ADAD2: variants seen among roughly 807,000 people sequenced by gnomAD.
The protein encoded by ADAD2 is adenosine deaminase domain containing 2.
In ADAD2, 60 loss-of-function variants were observed where a neutral mutation model predicts 54.5. That is an observed-to-expected ratio of 1.10 (90% CI 0.89 to 1.36). The LOEUF (loss-of-function observed/expected upper bound fraction) is 1.36, where lower values mean the gene tolerates loss of function less well. Among genes scored for constraint, ADAD2 ranks in the 40% most tolerant of loss-of-function variants. ADAD2 has a pLI of 0.00. For synonymous variants in ADAD2, 543 were observed against 366.2 expected (o/e 1.48, Z -5.51); for missense variants, 1,103 against 801.3 (o/e 1.38, Z -4.54).
At chr16:84,193,860 C>T (rs930190556) in intron 1 of ADAD2, 3 of 863,254 alleles carry the variant, frequency 3.5e-6, no homozygotes, top group Admixed American at 2.9e-5. Context: ...AAAGGGAAAC[C>T]CCCAGAGGGG....
At chr16:84,196,792 C>T in intron 9 of ADAD2, 25 bp downstream of exon 9, 2 of 1,602,206 alleles carry the variant, frequency 1.2e-6, no homozygotes, top group Non-Finnish European at 1.7e-6. Context: ...CTCCCCCCGT[C>T]CCGGTCCCTC....
At position 84,195,377 on chromosome 16, in the gene ADAD2, G is replaced by A. The variant is rs370013382; in HGVS notation, c.815G>A (p.Trp272Ter). 8 of 1,609,270 alleles carry A rather than the reference G, an allele frequency of 5.0e-6. No homozygotes were observed. Among genetic ancestry groups the A allele is most frequent in the Non-Finnish European group, 6.8e-6 (8 of 1,179,494 alleles). Residue 272 changes from tryptophan to a stop codon, truncating the protein, a stop_gained, in exon 5 of 10, where the codon TGG (tryptophan) becomes TAG (stop). Coordinates refer to ENST00000315906, the MANE Select transcript of ADAD2 (RefSeq NM_001145400.2). LOFTEE classifies it high-confidence loss of function. ...ACCGGCAGCAGCTGCTGTGCTGGCT[G>A]GCTGGAGTTCTCGGGCCAGCAGCTC... ...LGTGSSCCAGWLEFSGQQLHD... is the reference protein window; with the variant it reads ...LGTGSSCCAG
rs758334249 is a variant in ADAD2 at position 84,196,766 on chromosome 16, A to G, written c.1646A>G (p.Lys549Arg). Residue 549 changes from lysine to arginine, a missense_variant and splice_region_variant, in exon 9 of 10, where the codon AAG becomes AGG. By Grantham distance (26) the Lys-to-Arg change is conservative. Transcript: ENST00000315906. ...GCCTTGAAGACCTACGAGGCTGCCAAGGTTGGTTCCCCACCCTCCCCCCGT... is the reference window on the plus strand; with the variant it reads ...GCCTTGAAGACCTACGAGGCTGCCAGGGTTGGTTCCCCACCCTCCCCCCGT... The part of the protein sequence containing the change: ...LLALKTYEAA[K>R]AGPYQEARRQ... The G allele has an allele frequency of 3.1e-6, 5 of 1,609,132 alleles. No individual in the cohort carries two copies. Among genetic ancestry groups the G allele is most frequent in the Non-Finnish European group, 4.2e-6 (5 of 1,177,112 alleles).
At chr16:84,194,411 G>C (rs1261262289) in intron 1 of ADAD2, 31 bp from the exon 2 acceptor site, 1 of 1,595,254 alleles carries the variant, frequency 6.3e-7, no homozygotes, top group African/African-American at 1.3e-5. Context: ...GAAGGCCAGG[G>C]GGCTGCTTCC....
At position 84,191,377 on chromosome 16, in the gene ADAD2, C is replaced by T. The variant is rs927514113; in HGVS notation, c.147C>T (p.Pro49=). Residue 49 remains proline (P), a synonymous_variant, in exon 1 of 10, where the codon CCC becomes CCT. Coordinates refer to ENST00000315906, the MANE Select transcript of ADAD2 (RefSeq NM_001145400.2). ...AQSAWGPAPA[P]ATYRAEGGWP... is the part of the protein sequence containing the mutation. ...GTGCCTGGGGGCCCGCGCCCGCGCCCGCGACGTATCGCGCGGAGGGCGGGT... is the reference window on the plus strand; with the variant it reads ...GTGCCTGGGGGCCCGCGCCCGCGCCTGCGACGTATCGCGCGGAGGGCGGGT... 2.6e-6 allele frequency: 4 copies of T among 1,514,422 alleles called. No homozygotes were observed. Among genetic ancestry groups the T allele is most frequent in the South Asian group, 1.2e-5 (1 of 80,826 alleles). 93.8% of individuals were successfully genotyped at this position (1,514,422 alleles called of 1,614,324 possible). A position where few individuals can be genotyped will look rare whatever the true frequency, so the allele number is the denominator to read the frequency against.
chr16:84,191,201 G>A lies in ADAD2; in HGVS notation c.-30G>A. 2 of 1,600,628 alleles carry A rather than the reference G, an allele frequency of 1.2e-6. No individual in the cohort carries two copies. The highest frequency in any genetic ancestry group is 1.7e-6 in the Non-Finnish European group (2 of 1,172,396). On this transcript the variant is annotated 5_prime_UTR_variant, in exon 1 of 10. Coordinates refer to ENST00000315906, the MANE Select transcript of ADAD2 (RefSeq NM_001145400.2). Reference sequence around the variant, plus strand: ...AAGGGCGAGAGCAGCGCGAGATAGGGCCTAGCGCCTCAGATCTTCGTTGGC... The same window carrying A: ...AAGGGCGAGAGCAGCGCGAGATAGGACCTAGCGCCTCAGATCTTCGTTGGC...
rs1188966588 is a variant in ADAD2, at chr16:84,195,559, C to A, written c.914C>A (p.Thr305Lys). Reference sequence around the variant, plus strand: ...TTGTTCCGGCAGCTCCTGCTGGCCACACAGGGGGGCCCCAAGGGCAAGGAG... The same window carrying A: ...TTGTTCCGGCAGCTCCTGCTGGCCAAACAGGGGGGCCCCAAGGGCAAGGAG... ...RFLFRQLLLA[T>K]QGGPKGKEQS... Residue 305 changes from threonine (T) to lysine (K), a missense_variant, in exon 6 of 10, where the codon ACA becomes AAA. Thr to Lys is a moderately conservative substitution (Grantham distance 78). Transcript: ENST00000315906. The A allele has an allele frequency of 1.3e-6, 2 of 1,598,792 alleles. No homozygotes were observed. The highest frequency in any genetic ancestry group is 1.7e-6 in the Non-Finnish European group (2 of 1,172,554).
At chr16:84,194,288 G>A (rs1370884509) in intron 1 of ADAD2, 154 bp from the exon 2 acceptor site, 3 of 1,549,746 alleles carry the variant, frequency 1.9e-6, no homozygotes, top group Admixed American at 3.9e-5. Context: ...TGCGCGGCAT[G>A]GGGTGGCGAT....
At position 84,195,094 on chromosome 16, in the gene ADAD2, C is replaced by G; in HGVS notation, c.633C>G (p.Arg211=). 1 of 1,613,728 alleles carries G rather than the reference C, an allele frequency of 6.2e-7. No individual in the cohort carries two copies. Among genetic ancestry groups the G allele is most frequent in the Non-Finnish European group, 8.5e-7 (1 of 1,179,976 alleles). Residue 211 remains arginine (R), a synonymous_variant, in exon 4 of 10, where the codon CGC becomes CGG. Coordinates refer to ENST00000315906, the MANE Select transcript of ADAD2 (RefSeq NM_001145400.2). ...AGAACATCCTGACCCATGAGCAGCG[C>G]TGCGCAGCGTTGGTGAGCGCCGGCT... is the stretch of plus-strand genomic sequence containing the variant. The part of the protein sequence containing the change: ...SVENILTHEQ[R]CAALVSAGFD...
chr16:84,196,926 C>T lies in ADAD2; in HGVS notation c.1704C>T (p.Gly568=), dbSNP rs901327385. The change falls in exon 10 of 10, where the codon GGC becomes GGT. Residue 568 remains glycine, a synonymous_variant. Coordinates refer to ENST00000315906, the MANE Select transcript of ADAD2 (RefSeq NM_001145400.2). The part of the protein sequence containing the change: ...RQLSLLLDQQ[G]LGAWPSKPLV... ...TGTCTCTCCTCCTGGACCAGCAGGG[C>T]CTGGGGGCTTGGCCCTCGAAGCCAC... The T allele has an allele frequency of 2.5e-6, 4 of 1,605,492 alleles. No homozygotes were observed. The East Asian group carries it at 6.7e-5, about 27-fold the overall frequency.
At chr16:84,192,342 G>A (rs2089666628) in intron 1 of ADAD2, among the ~76,000 whole-genome samples, 1 of 152,022 alleles carries the variant, frequency 6.6e-6, no homozygotes, top group Non-Finnish European at 1.5e-5. Flanking sequence ...AGATTATGTG[G>A]TTTTACCATG....
intron 1 of ADAD2, 145 bp downstream of exon 1, chr16:84,191,793 TTGGGACCTTGG>T (rs1467581612): frequency 5.7e-6 from 7 of 1,234,132 alleles, no homozygotes; most frequent in Admixed American, 2.0e-5. Flanking sequence ...TGGCCTGAGC[TTGGGACCTTGG>T]GGTGGACCCT....
rs145615373 is a variant in ADAD2, at chr16:84,196,205, G to A, written c.1361G>A (p.Cys454Tyr). 3.1e-6 allele frequency: 5 copies of A among 1,610,150 alleles called. No individual in the cohort carries two copies. The East Asian group carries it at 1.1e-4, about 36-fold the overall frequency. ...RPCLDSVLGP[C>Y]LPPPYVRTAL... Reference sequence around the variant, plus strand: ...TGCCTGGACAGTGTCCTGGGGCCATGCCTGCCACCTCCCTACGTCCGGACC... The same window carrying A: ...TGCCTGGACAGTGTCCTGGGGCCATACCTGCCACCTCCCTACGTCCGGACC... The change falls in exon 8 of 10, where the codon TGC becomes TAC. Residue 454 changes from cysteine (C) to tyrosine (Y), a missense_variant. Transcript: ENST00000315906.
intron 1 of ADAD2, chr16:84,194,106 G>T: frequency 6.2e-7 from 1 of 1,614,130 alleles, no homozygotes. Context: ...GAACAGGGTG[G>T]CGTGGGCTCT....
rs535934339 is a variant in ADAD2, at chr16:84,191,963, G to T, written c.418+315G>T. 318 of 491,338 alleles carry T rather than the reference G, an allele frequency of 6.5e-4. 3 individuals are homozygous for T. The highest frequency in any genetic ancestry group is 6.4e-3 in the South Asian group (309 of 48,160). 30.4% of individuals were successfully genotyped at this position (491,338 alleles called of 1,614,324 possible). A position where few individuals can be genotyped will look rare whatever the true frequency, so the allele number is the denominator to read the frequency against. On this transcript the variant is annotated intron_variant, in intron 1 of 9. Coordinates refer to ENST00000315906, the MANE Select transcript of ADAD2 (RefSeq NM_001145400.2). ...TATACGTTTTTAGAGCCACTTACAT[G>T]CAATTTAAGTTGCCGTGCTAGCATT... is the stretch of plus-strand genomic sequence containing the variant.
At position 84,195,648 on chromosome 16, in the gene ADAD2, C is replaced by T. The variant is rs1358647080; in HGVS notation, c.1003C>T (p.Leu335=). ...PPFTLKPRVF[L]HLYISNTPKG... is the part of the protein sequence containing the mutation. ...ATTCACCCTCAAGCCCCGCGTCTTC[C>T]TGCACCTCTACATCAGCAACACCCC... Residue 335 remains leucine (L), a synonymous_variant, in exon 6 of 10, where the codon CTG becomes TTG. Coordinates refer to ENST00000315906, the MANE Select transcript of ADAD2 (RefSeq NM_001145400.2). The T allele has an allele frequency of 1.9e-6, 3 of 1,599,242 alleles. No homozygotes were observed. The highest frequency in any genetic ancestry group is 2.2e-5 in the East Asian group (1 of 44,780).
At chr16:84,196,825 C>G (rs751495161) in intron 9 of ADAD2, 45 bp from the exon 10 acceptor site, 4 of 1,596,780 alleles carry the variant, frequency 2.5e-6, no homozygotes, top group South Asian at 1.1e-5. Context: ...GTCCCTGCCC[C>G]CTGCAGGTAC....
At chr16:84,196,837 T>TC (rs2089738241) in intron 9 of ADAD2, 33 bp from the exon 10 acceptor site, 1 of 1,581,306 alleles carries the variant, frequency 6.3e-7, no homozygotes, top group Non-Finnish European at 8.6e-7. Context: ...TGCAGGTACC[T>TC]CCTCTCACCC....
chr16:84,195,227 G>A lies in ADAD2; in HGVS notation c.733+33G>A, dbSNP rs778911715. 1.4e-5 allele frequency: 23 copies of A among 1,610,026 alleles called. No homozygotes were observed. The Admixed American group carries it at 1.5e-4, about 11-fold the overall frequency. ...TCGCCCCAGCCCTGGCCCTGGCCCC[G>A]GCCCCCTGGGAAGGGCCCCCTCAAG... is the stretch of plus-strand genomic sequence containing the variant. On this transcript the variant is annotated intron_variant, in intron 4 of 9. Coordinates refer to ENST00000315906, the MANE Select transcript of ADAD2 (RefSeq NM_001145400.2).
Sources: gnomAD v4.1 joint callset for allele counts (sites outside exome capture counted in the v4.1 genomes callset) on GRCh38, gnomAD v4.1.1 for gene constraint, MANE v1.5 for transcripts, NCBI Gene and HGNC (gene_info 2026-07-23, HGNC 2026-07-21) for gene names.